Variants in HYDIN observed in about 807,000 individuals in gnomAD.
HYDIN encodes HYDIN axonemal central pair apparatus protein, also known as axonemal central pair apparatus protein HYDIN.
HYDIN carries 132 observed loss-of-function variants against 403.9 expected under a neutral mutation model. That is an observed-to-expected ratio of 0.33 (90% confidence interval 0.28 to 0.38). The LOEUF is 0.38. HYDIN is among the 10% of genes least tolerant of loss of function. The pLI is 1.00. For missense variants in HYDIN, 2,827 were observed against 5,009.5 expected, an observed-to-expected ratio of 0.56 and a Z score of 13.15; for synonymous variants, 1,202 against 1,891.7, an observed-to-expected ratio of 0.64 and a Z score of 9.46.
intron 55 of HYDIN, chr16:70,893,710 C>G (rs2143726462): frequency 6.6e-6 from 1 of 151,234 alleles, no homozygotes; most frequent in African/African-American, 2.4e-5. Flanking sequence ...TTTGTAGAGG[C>G]AGGGGGGTCT....
intron 71 of HYDIN, among the ~76,000 whole-genome samples, chr16:70,858,930 T>C (rs1239694438): frequency 1.3e-5 from 2 of 151,466 alleles, no homozygotes; most frequent in African/African-American, 4.9e-5. Flanking sequence ...ACAAATATGT[T>C]TTGTTTGGTT....
At position 70,883,987 on chromosome 16, in the gene HYDIN, G is replaced by T; in HGVS notation, c.9912C>A (p.Ser3304=). Residue 3304 remains serine (S), a synonymous_variant, in exon 59 of 86, where the codon TCC becomes TCA. Coordinates refer to ENST00000393567, the MANE Select transcript of HYDIN (RefSeq NM_001270974.2). ...CAGGGTGGACTGCAGGGTCTCGGCC[G>T]GAGATATCGATGGCTATAAACTCCT... is the stretch of plus-strand genomic sequence containing the variant. ...KCEEFIAIDI[S]GRDPAVHPAG... 8.1e-6 allele frequency: 13 copies of T among 1,614,146 alleles called. No homozygotes were observed. Among genetic ancestry groups the T allele is most frequent in the Non-Finnish European group, 1.1e-5 (13 of 1,180,038 alleles).
intron 16 of HYDIN, 57 bp from the exon 17 acceptor site, chr16:71,062,390 T>G (rs765769793): frequency 1.1e-5 from 16 of 1,408,394 alleles, no homozygotes; most frequent in Admixed American, 4.6e-5. Context: ...AAATAGCGTA[T>G]TTGCTTATTT....
At chr16:71,205,169 C>T (rs1245348255) in intron 1 of HYDIN, among the ~76,000 whole-genome samples, 3 of 152,166 alleles carry the variant, frequency 2.0e-5, no homozygotes, top group Admixed American at 1.3e-4. Flanking sequence ...CTCATGTGTG[C>T]CACTCTCAGA....
At chr16:70,846,114 G>C (rs1023362916) in intron 75 of HYDIN, among the ~76,000 whole-genome samples, 6 of 148,478 alleles carry the variant, frequency 4.0e-5, no homozygotes, top group Non-Finnish European at 7.4e-5. Context: ...TGCTTTTCTA[G>C]TTCTTTTAAT....
intron 5 of HYDIN, among the ~76,000 whole-genome samples, chr16:71,168,555 T>C (rs1027693082): frequency 1.1e-4 from 16 of 151,194 alleles, no homozygotes; most frequent in Admixed American, 7.3e-4. Flanking sequence ...CAGAGGTAGG[T>C]AGGCCAGGTC....
chr16:70,930,494 A>G (rs901403129), intron 45 of HYDIN, among the ~76,000 whole-genome samples: 4 of 152,050 alleles, frequency 2.6e-5, no homozygotes, highest in African/African-American at 4.8e-5. Flanking sequence ...AGAAAAAAAA[A>G]AGAAAGACCC....
intron 2 of HYDIN, among the ~76,000 whole-genome samples, chr16:71,185,676 C>T (rs1365220488): frequency 6.6e-6 from 1 of 152,000 alleles, no homozygotes; most frequent in African/African-American, 2.4e-5. Flanking sequence ...AAAAAGTAAC[C>T]TAGCATTTAA....
chr16:71,011,308 A>G (rs1302135982), intron 23 of HYDIN, among the ~76,000 whole-genome samples: 1 of 152,184 alleles, frequency 6.6e-6, no homozygotes, highest in Non-Finnish European at 1.5e-5. Context: ...ACTGCAGCAC[A>G]AGGTCACATG....
chr16:71,136,996 C>T (rs571159087), intron 8 of HYDIN, among the ~76,000 whole-genome samples, 155 bp downstream of exon 8: 1 of 150,900 alleles, frequency 6.6e-6, no homozygotes, highest in Admixed American at 6.6e-5. Context: ...TGAGCAGCTT[C>T]AAAAGAGGAT....
chr16:70,976,326 T>C (rs1251902102), intron 30 of HYDIN, among the ~76,000 whole-genome samples: 2 of 152,266 alleles, frequency 1.3e-5, no homozygotes, highest in Non-Finnish European at 2.9e-5. Flanking sequence ...TTAATACTTA[T>C]TCAATAATAA....
chr16:71,070,336 T>C (rs2082427998), intron 13 of HYDIN, among the ~76,000 whole-genome samples: 1 of 149,720 alleles, frequency 6.7e-6, no homozygotes, highest in Admixed American at 6.6e-5. Flanking sequence ...TTTTTTTTTT[T>C]GAGACAGAGT....
intron 5 of HYDIN, among the ~76,000 whole-genome samples, chr16:71,172,322 T>C (rs1046065237): frequency 4.6e-5 from 7 of 152,342 alleles, no homozygotes; most frequent in Admixed American, 4.6e-4. Context: ...TCCAAGGAAG[T>C]ACTTTGTTTT....
intron 18 of HYDIN, among the ~76,000 whole-genome samples, chr16:71,047,212 A>T (rs1468832983): frequency 1.3e-5 from 2 of 151,478 alleles, no homozygotes; most frequent in East Asian, 3.9e-4. Context: ...AGGAAACCAA[A>T]CTCCCTCCTT....
At chr16:71,136,792 A>C (rs562763813) in intron 8 of HYDIN, among the ~76,000 whole-genome samples, 2 of 150,038 alleles carry the variant, frequency 1.3e-5, no homozygotes, top group South Asian at 4.2e-4. Context: ...AAAAAAAACA[A>C]AAAAAAAACC....
At position 70,862,059 on chromosome 16, in the gene HYDIN, G is replaced by C; in HGVS notation, c.11766C>G (p.Asn3922Lys). Residue 3922 changes from asparagine to lysine, a missense_variant, in exon 69 of 86, where the codon AAC becomes AAG. Coordinates refer to ENST00000393567, the MANE Select transcript of HYDIN (RefSeq NM_001270974.2). ...SPLDIGDFES[N>K]LFCQIPNLPP... Reference sequence around the variant, plus strand: ...GCACATTTTCTTACTGGCAGAAAAGGTTGCTCTCGAAGTCTCCAATGTCCA... The same window carrying C: ...GCACATTTTCTTACTGGCAGAAAAGCTTGCTCTCGAAGTCTCCAATGTCCA... 1 of 1,587,256 alleles carries C rather than the reference G, an allele frequency of 6.3e-7. No individual in the cohort carries two copies. The highest frequency in any genetic ancestry group is 8.6e-7 in the Non-Finnish European group (1 of 1,166,690).
At chr16:70,925,796 C>T (rs1211891508) in intron 45 of HYDIN, among the ~76,000 whole-genome samples, 5 of 152,052 alleles carry the variant, frequency 3.3e-5, no homozygotes, top group African/African-American at 9.7e-5. Context: ...AAAAAGTGGG[C>T]GAAGGACATG....
At chr16:71,050,113 A>C (rs2081589392) in intron 18 of HYDIN, among the ~76,000 whole-genome samples, 1 of 146,240 alleles carries the variant, frequency 6.8e-6, no homozygotes, top group Non-Finnish European at 1.5e-5. Flanking sequence ...ATTTGAAGAG[A>C]TAATGGCTGA....
intron 39 of HYDIN, among the ~76,000 whole-genome samples, chr16:70,957,349 T>C (rs2078276257): frequency 1.4e-5 from 2 of 144,150 alleles, no homozygotes; most frequent in South Asian, 4.3e-4. Context: ...TTTTTTGAGA[T>C]GGAGTCTCGC....
Sources: gnomAD v4.1 joint callset for allele counts (sites outside exome capture counted in the v4.1 genomes callset) on GRCh38, gnomAD v4.1.1 for gene constraint, MANE v1.5 for transcripts, NCBI Gene and HGNC (gene_info 2026-07-23, HGNC 2026-07-21) for gene names.